SLC24A3: variants seen among roughly 807,000 people sequenced by gnomAD.
SLC24A3 encodes the protein sodium/potassium/calcium exchanger 3.
In SLC24A3, 28 loss-of-function variants were observed where a neutral mutation model predicts 75.8. The observed-to-expected ratio is 0.37, with a 90% CI of 0.27 to 0.51. SLC24A3 has a LOEUF of 0.51. Among genes scored for constraint, SLC24A3 ranks in the 20% least tolerant of loss-of-function variants. SLC24A3 has a pLI of 0.94. For synonymous variants in SLC24A3, 372 were observed against 334.1 expected, an observed-to-expected ratio of 1.11 and a Z score of -1.24; for missense variants, 663 against 847.8, an observed-to-expected ratio of 0.78 and a Z score of 2.71.
intron 8 of SLC24A3, 90 bp downstream of exon 8, chr20:19,665,979 A>G: frequency 7.0e-7 from 1 of 1,426,344 alleles, no homozygotes; most frequent in Non-Finnish European, 9.7e-7. Flanking sequence ...CAAGAAAGAA[A>G]GGGAAGTGTC....
rs184449031 is a variant in SLC24A3, at chr20:19,441,623, A to G, written c.272-73865A>G. Among the ~76,000 whole-genome samples the G allele has an allele frequency of 2.3e-3, 358 of 152,350 alleles. 3 individuals are homozygous for G. The highest frequency in any genetic ancestry group is 3.8e-3 in the Non-Finnish European group (257 of 68,030). On this transcript the variant is annotated intron_variant, in intron 2 of 16. Transcript: ENST00000328041. ...ATCTACCCCCGTTTTCCCTGTTAAC[A>G]TCTTATATTAGTGTGGTACATTTAT...
At chr20:19,367,611 C>T (rs781649444) in intron 2 of SLC24A3, among the ~76,000 whole-genome samples, 20 of 152,108 alleles carry the variant, frequency 1.3e-4, no homozygotes, top group Non-Finnish European at 2.4e-4. Flanking sequence ...GGTTCTCAGA[C>T]TAGCTGTGGT....
chr20:19,286,508 T>C (rs1303748520), intron 2 of SLC24A3, among the ~76,000 whole-genome samples: 1 of 152,030 alleles, frequency 6.6e-6, no homozygotes, highest in Admixed American at 6.5e-5. Flanking sequence ...CTACAAAGCA[T>C]GATAGGGCCA....
In SLC24A3 at chr20:19,212,681, G is replaced by A. The variant is rs893232085; in HGVS notation, c.-162G>A. ...GGGCGACGACGAGGAGACGGGCAGCGGCGAGGAGGAGGAAGAGGAGGCGGA... is the reference window on the plus strand; with the variant it reads ...GGGCGACGACGAGGAGACGGGCAGCAGCGAGGAGGAGGAAGAGGAGGCGGA... On this transcript the variant is annotated 5_prime_UTR_variant, in exon 1 of 17. Transcript: ENST00000328041. 3 of 364,888 alleles carry A rather than the reference G, an allele frequency of 8.2e-6. No homozygotes were observed. Among genetic ancestry groups the A allele is most frequent in the Admixed American group, 6.6e-5 (1 of 15,072 alleles). The allele number at this position is 364,888 out of a possible 1,614,324, so 22.6% of individuals were successfully genotyped here.
chr20:19,409,732 T>TAA (rs1986711026), intron 2 of SLC24A3, among the ~76,000 whole-genome samples: 1 of 152,114 alleles, frequency 6.6e-6, no homozygotes, highest in African/African-American at 2.4e-5. Context: ...AGGAAAATAC[T>TAA]AACACTACTA....
chr20:19,687,663 C>T (rs2032693747), intron 12 of SLC24A3, among the ~76,000 whole-genome samples: 1 of 152,204 alleles, frequency 6.6e-6, no homozygotes, highest in South Asian at 2.1e-4. Flanking sequence ...AAGTGCACCC[C>T]TCCAGGGGAC....
intron 6 of SLC24A3, among the ~76,000 whole-genome samples, chr20:19,604,106 G>A (rs1300953353): frequency 2.0e-5 from 3 of 152,178 alleles, no homozygotes; most frequent in African/African-American, 4.8e-5. Context: ...GACAGGAAAG[G>A]CCCATGCTCT....
intron 6 of SLC24A3, among the ~76,000 whole-genome samples, chr20:19,604,328 A>G (rs1263442401): frequency 6.6e-6 from 1 of 152,160 alleles, no homozygotes; most frequent in Admixed American, 6.5e-5. Flanking sequence ...CCCTAGTGGT[A>G]TGAAGGAGGA....
intron 1 of SLC24A3, among the ~76,000 whole-genome samples, chr20:19,222,774 CCCCT>C (rs1286175246): frequency 3.6e-5 from 2 of 55,992 alleles, no homozygotes; most frequent in Non-Finnish European, 7.3e-5. Flanking sequence ...TCCTCCCCTT[CCCCT>C]CCCTCCCTTC....
At chr20:19,391,571 G>A (rs1166864452) in intron 2 of SLC24A3, among the ~76,000 whole-genome samples, 1 of 152,188 alleles carries the variant, frequency 6.6e-6, no homozygotes, top group Non-Finnish European at 1.5e-5. Flanking sequence ...TAGACTTCCT[G>A]AATCAGAACC....
At chr20:19,636,493 C>A (rs111614246) in intron 6 of SLC24A3, among the ~76,000 whole-genome samples, 7,336 of 152,290 alleles carry the variant, frequency 0.048, 264 homozygotes, top group Middle Eastern at 0.13. Flanking sequence ...TGTCTTTCAA[C>A]TTTCACAAGG....
chr20:19,462,871 G>A (rs1043265765), intron 2 of SLC24A3, among the ~76,000 whole-genome samples: 12 of 152,136 alleles, frequency 7.9e-5, no homozygotes, highest in Non-Finnish European at 1.5e-4. Flanking sequence ...GGTGGGGCTG[G>A]ACTATCTATC....
intron 3 of SLC24A3, among the ~76,000 whole-genome samples, chr20:19,538,456 A>T (rs2030438603): frequency 6.6e-6 from 1 of 152,240 alleles, no homozygotes; most frequent in Admixed American, 6.5e-5. Flanking sequence ...CTTTTTAATG[A>T]AAAAAGCAAA....
Position 19,698,464 on chromosome 20 carries a change from G to A in SLC24A3, c.1607-104G>A, listed in dbSNP as rs1020998988. 3 of 708,616 alleles carry A rather than the reference G, an allele frequency of 4.2e-6. No individual in the cohort carries two copies. The African/African-American group carries it at 5.3e-5, about 13-fold the overall frequency. 43.9% of individuals were successfully genotyped at this position (708,616 alleles called of 1,614,324 possible). A position where few individuals can be genotyped will look rare whatever the true frequency, so the allele number is the denominator to read the frequency against. On this transcript the variant is annotated intron_variant, in intron 14 of 16. Transcript: ENST00000328041. ...CCTTGAAAGAGAAGCACATATGTGA[G>A]CTTGCAGAACCACTCTCTGGCTGTG...
intron 2 of SLC24A3, among the ~76,000 whole-genome samples, chr20:19,435,704 A>G (rs1443417606): frequency 6.6e-6 from 1 of 152,190 alleles, no homozygotes; most frequent in Non-Finnish European, 1.5e-5. Flanking sequence ...AGGTGACTGT[A>G]GTTTTCTCGT....
chr20:19,455,084 C>T (rs1046820570), intron 2 of SLC24A3, among the ~76,000 whole-genome samples: 9 of 152,108 alleles, frequency 5.9e-5, no homozygotes, highest in African/African-American at 2.2e-4. Context: ...TATTTCATGC[C>T]CATTCCCAAG....
intron 11 of SLC24A3, among the ~76,000 whole-genome samples, 161 bp from the exon 12 acceptor site, chr20:19,684,939 G>A (rs1267378468): frequency 1.3e-5 from 2 of 152,214 alleles, no homozygotes; most frequent in Non-Finnish European, 2.9e-5. Context: ...GAAGTTGTCT[G>A]GAGTTGGTTA....
At chr20:19,444,897 G>T (rs1358896002) in intron 2 of SLC24A3, among the ~76,000 whole-genome samples, 3 of 148,264 alleles carry the variant, frequency 2.0e-5, no homozygotes, top group Middle Eastern at 3.5e-3. Context: ...TGTTGTTGTT[G>T]TTTTTACTTT....
At chr20:19,695,630 G>A (rs544897301) in intron 13 of SLC24A3, 3 of 152,128 alleles carry the variant, frequency 2.0e-5, no homozygotes, top group Non-Finnish European at 2.9e-5. Flanking sequence ...AATGTTCATC[G>A]TACCCATTAA....
Sources: gnomAD v4.1 joint callset for allele counts (sites outside exome capture counted in the v4.1 genomes callset) on GRCh38, gnomAD v4.1.1 for gene constraint, MANE v1.5 for transcripts, NCBI Gene and HGNC (gene_info 2026-07-23, HGNC 2026-07-21) for gene names.